BMAL2: variants seen among roughly 807,000 people sequenced by gnomAD.
BMAL2 encodes the protein basic helix-loop-helix ARNT like 2.
the BMAL2 span, among the ~76,000 whole-genome samples, chr12:27,377,000 C>CA: frequency 0.15 from 13,412 of 91,426 alleles, 1,104 homozygotes; most frequent in African/African-American, 0.16. Context: ...AACTCCGTCT[C>CA]AAAAAAAAAA....
the BMAL2 span, chr12:27,403,603 T>C: frequency 6.5e-6 from 7 of 1,073,758 alleles, no homozygotes; most frequent in African/African-American, 1.6e-5. Context: ...AAAATCAATA[T>C]ACAAAAATCA....
chr12:27,392,274 C>T, the BMAL2 span, among the ~76,000 whole-genome samples: 3 of 152,186 alleles, frequency 2.0e-5, no homozygotes, highest in South Asian at 2.1e-4. Flanking sequence ...ATACACATCA[C>T]GTGCTTAGCC....
chr12:27,393,839 G>T, the BMAL2 span, among the ~76,000 whole-genome samples: 1 of 152,194 alleles, frequency 6.6e-6, no homozygotes, highest in African/African-American at 2.4e-5. Flanking sequence ...AGGCAGCCAA[G>T]AAACATGTAA....
At chr12:27,404,864 C>A in the BMAL2 span, among the ~76,000 whole-genome samples, 1 of 152,178 alleles carries the variant, frequency 6.6e-6, no homozygotes, top group Non-Finnish European at 1.5e-5. Context: ...AAAGGGGTGA[C>A]AGATGGGCAC....
the BMAL2 span, chr12:27,400,620 A>G: frequency 6.2e-7 from 1 of 1,614,048 alleles, no homozygotes; most frequent in Non-Finnish European, 8.5e-7. Context: ...AGAAAGGAAC[A>G]GTAAGAAAGA....
the BMAL2 span, among the ~76,000 whole-genome samples, chr12:27,382,187 G>A: frequency 1.3e-5 from 2 of 152,112 alleles, no homozygotes; most frequent in Non-Finnish European, 2.9e-5. Flanking sequence ...AAAATTTACA[G>A]GCTCAACTGA....
the BMAL2 span, chr12:27,400,840 TTAG>T: frequency 6.5e-6 from 9 of 1,375,902 alleles, no homozygotes; most frequent in African/African-American, 2.9e-5. Context: ...AAGGCGTGTC[TTAG>T]TAGCACTGCT....
the BMAL2 span, chr12:27,402,503 T>G: frequency 1.3e-6 from 1 of 784,674 alleles, no homozygotes; most frequent in South Asian, 1.9e-5. Flanking sequence ...AATATGTGTA[T>G]ATAAAACATA....
At chr12:27,399,927 C>G in the BMAL2 span, among the ~76,000 whole-genome samples, 1 of 152,106 alleles carries the variant, frequency 6.6e-6, no homozygotes, top group South Asian at 2.1e-4. Context: ...AAGCTTCTTC[C>G]TATGAGTTAA....
chr12:27,346,150 A>T, the BMAL2 span, among the ~76,000 whole-genome samples: 1 of 152,000 alleles, frequency 6.6e-6, no homozygotes, highest in Admixed American at 6.6e-5. Context: ...ACTCATACTA[A>T]TTTCCCTCCC....
chr12:27,394,889 A>G, the BMAL2 span, among the ~76,000 whole-genome samples: 1 of 152,254 alleles, frequency 6.6e-6, no homozygotes, highest in African/African-American at 2.4e-5. Flanking sequence ...AGGGAAGGCC[A>G]TGTGAGCACA....
the BMAL2 span, among the ~76,000 whole-genome samples, chr12:27,407,883 T>C: frequency 6.6e-6 from 1 of 151,804 alleles, no homozygotes; most frequent in Non-Finnish European, 1.5e-5. Context: ...AAGAATCAAA[T>C]AGATGCAATA....
the BMAL2 span, among the ~76,000 whole-genome samples, chr12:27,380,596 G>T: frequency 6.6e-6 from 1 of 152,168 alleles, no homozygotes; most frequent in South Asian, 2.1e-4. Flanking sequence ...AGAAAACTTG[G>T]TTCTGATAAA....
At chr12:27,368,472 T>G in the BMAL2 span, 1 of 1,556,494 alleles carries the variant, frequency 6.4e-7, no homozygotes, top group South Asian at 1.1e-5. Flanking sequence ...AAGAGGAAAA[T>G]ATTCCTTTTA....
At chr12:27,353,113 G>A in the BMAL2 span, among the ~76,000 whole-genome samples, 1 of 152,114 alleles carries the variant, frequency 6.6e-6, no homozygotes, top group Non-Finnish European at 1.5e-5. Context: ...AAAAGAACCC[G>A]AATAGCCAGA....
At chr12:27,414,670 T>G in the BMAL2 span, among the ~76,000 whole-genome samples, 5 of 152,216 alleles carry the variant, frequency 3.3e-5, no homozygotes, top group East Asian at 9.7e-4. Flanking sequence ...AAGAGGGACG[T>G]TTATAGCAAT....
the BMAL2 span, among the ~76,000 whole-genome samples, chr12:27,387,616 G>A: frequency 6.6e-6 from 1 of 152,168 alleles, no homozygotes; most frequent in Non-Finnish European, 1.5e-5. Flanking sequence ...TAAATGAGGT[G>A]TCATATTTAA....
the BMAL2 span, among the ~76,000 whole-genome samples, chr12:27,339,338 A>C: frequency 6.6e-6 from 1 of 152,090 alleles, no homozygotes; most frequent in African/African-American, 2.4e-5. Context: ...TATTTACCAC[A>C]TTTTCTTTTT....
At chr12:27,394,557 C>T in the BMAL2 span, 1 of 152,208 alleles carries the variant, frequency 6.6e-6, no homozygotes, top group Non-Finnish European at 1.5e-5. Flanking sequence ...CATATAACCA[C>T]TCTCAAATCC....
Sources: gnomAD v4.1 joint callset for allele counts (sites outside exome capture counted in the v4.1 genomes callset) on GRCh38, gnomAD v4.1.1 for gene constraint, MANE v1.5 for transcripts, NCBI Gene and HGNC (gene_info 2026-07-23, HGNC 2026-07-21) for gene names.